Variants in DPP6 observed in about 807,000 individuals in gnomAD.
The protein encoded by DPP6 is dipeptidyl peptidase like 6, also known as A-type potassium channel modulatory protein DPP6.
Under a neutral mutation model 122.6 loss-of-function variants are expected in DPP6, and 69 were observed. The observed-to-expected ratio is 0.56, with a 90% CI of 0.46 to 0.69. DPP6 has a LOEUF of 0.69. Ranked by LOEUF, DPP6 falls within the 30% of genes least tolerant of loss-of-function variation. The pLI, the probability that DPP6 is intolerant of heterozygous loss-of-function variation, is 0.00. For synonymous variants in DPP6, 418 were observed against 433.1 expected (o/e 0.97, Z 0.43); for missense variants, 928 against 1,116.9 (o/e 0.83, Z 2.41).
chr7:154,791,346 C>T (rs1037631062), intron 10 of DPP6, among the ~76,000 whole-genome samples: 1 of 152,152 alleles, frequency 6.6e-6, no homozygotes, highest in Non-Finnish European at 1.5e-5. Context: ...CTCAGTTCTA[C>T]ATGGCTGGGG....
intron 3 of DPP6, among the ~76,000 whole-genome samples, chr7:154,509,785 G>A (rs1419144678): frequency 1.3e-5 from 2 of 152,164 alleles, no homozygotes; most frequent in Non-Finnish European, 2.9e-5. Flanking sequence ...ACTGATTCCT[G>A]CTACATGCTA....
intron 1 of DPP6, among the ~76,000 whole-genome samples, chr7:154,227,829 A>T (rs1338258971): frequency 2.0e-5 from 3 of 152,198 alleles, no homozygotes; most frequent in Admixed American, 6.5e-5. Context: ...TGCTATTTGA[A>T]TGGATCATCA....
At chr7:153,881,531 A>G in the DPP6 span, among the ~76,000 whole-genome samples, 1 of 152,158 alleles carries the variant, frequency 6.6e-6, no homozygotes, top group East Asian at 1.9e-4. Flanking sequence ...TTAGTGCAGG[A>G]GCTTCCTAGC....
At chr7:154,137,655 G>GGGA (rs1795631947) in intron 1 of DPP6, among the ~76,000 whole-genome samples, 2 of 46,626 alleles carry the variant, frequency 4.3e-5, no homozygotes, top group Admixed American at 1.8e-4. Context: ...GGGGGTGGGG[G>GGGA]GGTGGGGGGG....
chr7:153,823,254 G>T, the DPP6 span, among the ~76,000 whole-genome samples: 1 of 151,896 alleles, frequency 6.6e-6, no homozygotes, highest in Non-Finnish European at 1.5e-5. Flanking sequence ...CTCTCTGTGA[G>T]TCTTGACGGA....
intron 7 of DPP6, among the ~76,000 whole-genome samples, chr7:154,683,356 C>T (rs1034123832): frequency 3.9e-5 from 6 of 152,174 alleles, no homozygotes; most frequent in African/African-American, 1.4e-4. Flanking sequence ...AAGCTCTGCC[C>T]TGTAAGTGGT....
At chr7:153,854,163 C>T in the DPP6 span, among the ~76,000 whole-genome samples, 193 of 150,082 alleles carry the variant, frequency 1.3e-3, no homozygotes, top group Middle Eastern at 3.4e-3. Context: ...TGTAGATATG[C>T]GGCATTATTT....
At chr7:154,836,163 C>T (rs1296190841) in intron 16 of DPP6, among the ~76,000 whole-genome samples, 1 of 152,240 alleles carries the variant, frequency 6.6e-6, no homozygotes, top group Non-Finnish European at 1.5e-5. Flanking sequence ...TGCTGCCTGC[C>T]TGCCCGCCGC....
At chr7:154,314,234 G>A (rs1159092028) in intron 1 of DPP6, among the ~76,000 whole-genome samples, 1 of 152,120 alleles carries the variant, frequency 6.6e-6, no homozygotes, top group Non-Finnish European at 1.5e-5. Flanking sequence ...TATGAAATGG[G>A]GATGATTCCT....
intron 1 of DPP6, among the ~76,000 whole-genome samples, chr7:154,402,197 T>A (rs2151188279): frequency 6.6e-6 from 1 of 151,802 alleles, no homozygotes; most frequent in Non-Finnish European, 1.5e-5. Context: ...TGGCGATTCC[T>A]CAGGGATCTA....
At chr7:154,698,749 C>T (rs908983833) in intron 7 of DPP6, among the ~76,000 whole-genome samples, 1 of 152,164 alleles carries the variant, frequency 6.6e-6, no homozygotes, top group South Asian at 2.1e-4. Flanking sequence ...GGAAAGACAG[C>T]GGAAATCGGA....
Position 154,458,550 on chromosome 7 carries a change from G to T in DPP6, c.358+12222G>T, listed in dbSNP as rs558246267. Among the ~76,000 whole-genome samples the T allele has an allele frequency of 4.6e-5, 7 of 152,328 alleles. No homozygotes were observed. In the South Asian group the frequency reaches 1.4e-3, roughly 32 times the overall value. ...GCTGACACTTGTATTTGGGCCCAGT[G>T]AAGCTGATTTTAGACTTCCAGTCTC... is the stretch of plus-strand genomic sequence containing the variant. On this transcript the variant is annotated intron_variant, in intron 2 of 25. Coordinates refer to ENST00000377770, the MANE Select transcript of DPP6 (RefSeq NM_130797.4).
chr7:153,941,794 A>T (rs1585064426), intron 1 of DPP6, among the ~76,000 whole-genome samples: 1 of 152,316 alleles, frequency 6.6e-6, no homozygotes, highest in East Asian at 1.9e-4. Context: ...CTGCATGGAT[A>T]ATCAGAGGAG....
chr7:154,060,791 CACA>C (rs1801721212), intron 1 of DPP6, among the ~76,000 whole-genome samples: 1 of 124,930 alleles, frequency 8.0e-6, no homozygotes, highest in Non-Finnish European at 1.7e-5. Context: ...GGACGCCCAT[CACA>C]GGAGGGGGAC....
the DPP6 span, among the ~76,000 whole-genome samples, chr7:153,814,141 T>C: frequency 6.6e-6 from 1 of 152,228 alleles, no homozygotes; most frequent in East Asian, 1.9e-4. Context: ...TCTTCTAGGG[T>C]TTTTATGGTT....
chr7:154,631,797 G>T (rs1835426329), intron 5 of DPP6, among the ~76,000 whole-genome samples: 1 of 152,192 alleles, frequency 6.6e-6, no homozygotes. Context: ...AGAAGTAATA[G>T]GGGAGAATGA....
chr7:154,623,318 T>A (rs1834816092), intron 5 of DPP6, among the ~76,000 whole-genome samples: 1 of 152,184 alleles, frequency 6.6e-6, no homozygotes, highest in African/African-American at 2.4e-5. Context: ...TGGAACTTTG[T>A]CCATCGCTGT....
intron 8 of DPP6, among the ~76,000 whole-genome samples, chr7:154,768,373 G>T (rs1294768811): frequency 6.6e-6 from 1 of 152,138 alleles, no homozygotes; most frequent in Non-Finnish European, 1.5e-5. Context: ...TGTGTTTTCA[G>T]GCTTCTTAAT....
At chr7:154,584,658 T>G (rs1394382728) in intron 5 of DPP6, among the ~76,000 whole-genome samples, 1 of 152,210 alleles carries the variant, frequency 6.6e-6, no homozygotes, top group African/African-American at 2.4e-5. Context: ...TTTACCTTCT[T>G]AAATGCACTT....
Sources: allele counts gnomAD v4.1 joint callset (sites outside exome capture counted in the v4.1 genomes callset), GRCh38; gene constraint gnomAD v4.1.1; transcripts MANE v1.5; gene names NCBI Gene and HGNC (gene_info 2026-07-23, HGNC 2026-07-21).